Variants in MNAT1 observed in about 807,000 individuals in gnomAD.
MNAT1 encodes the protein MNAT1 component of CDK activating kinase, also known as CDK-activating kinase assembly factor MAT1.
In MNAT1, 43 loss-of-function variants were observed where a neutral mutation model predicts 42.0. The ratio of observed to expected loss-of-function variants is 1.02; its 90% CI spans 0.80 to 1.32. The LOEUF (loss-of-function observed/expected upper bound fraction) is 1.32, where lower values mean the gene tolerates loss of function less well. MNAT1 is among the 40% of genes most tolerant of loss of function. MNAT1 has a pLI of 0.00. For synonymous variants in MNAT1, 118 were observed against 120.0 expected, an observed-to-expected ratio of 0.98 and a Z score of 0.11; for missense variants, 306 against 350.4, an observed-to-expected ratio of 0.87 and a Z score of 1.01.
intron 1 of MNAT1, among the ~76,000 whole-genome samples, chr14:60,765,674 C>G (rs2030786526): frequency 6.6e-6 from 1 of 152,088 alleles, no homozygotes; most frequent in African/African-American, 2.4e-5. Flanking sequence ...TTAAAATAAT[C>G]ATTGGAAAAC....
chr14:60,749,345 T>A (rs1253494115), intron 1 of MNAT1, among the ~76,000 whole-genome samples: 3 of 152,204 alleles, frequency 2.0e-5, no homozygotes, highest in African/African-American at 4.8e-5. Context: ...AAGTAGTAGT[T>A]CATTAGTTTC....
chr14:60,770,786 T>C (rs543883311), intron 1 of MNAT1, among the ~76,000 whole-genome samples: 2 of 152,336 alleles, frequency 1.3e-5, no homozygotes, highest in East Asian at 1.9e-4. Flanking sequence ...GTATATTTGT[T>C]CTTTTCAACT....
chr14:60,879,703 T>G lies in MNAT1; in HGVS notation c.688-11T>G. On this transcript the variant is annotated splice_polypyrimidine_tract_variant and intron_variant, in intron 6 of 7. Coordinates refer to ENST00000261245, the MANE Select transcript of MNAT1 (RefSeq NM_002431.4). ...AATAAGAGGTATTAAGTTCCTTCATTTTTCTAACAGGGTCAACATATTTCA... is the reference window on the plus strand; with the variant it reads ...AATAAGAGGTATTAAGTTCCTTCATGTTTCTAACAGGGTCAACATATTTCA... 1 of 1,605,300 alleles carries G rather than the reference T, an allele frequency of 6.2e-7. No homozygotes were observed. Among genetic ancestry groups the G allele is most frequent in the Non-Finnish European group, 8.5e-7 (1 of 1,176,828 alleles).
rs142230071 is a variant in MNAT1, at chr14:60,877,430, T to C, written c.688-2284T>C. ...ATCTTCGATGGTTGTTTCTCACTGCTACAATTGTATTTTATGACTTTTAAG... is the reference window on the plus strand; with the variant it reads ...ATCTTCGATGGTTGTTTCTCACTGCCACAATTGTATTTTATGACTTTTAAG... On this transcript the variant is annotated intron_variant, in intron 6 of 7. Coordinates refer to ENST00000261245, the MANE Select transcript of MNAT1 (RefSeq NM_002431.4). 5.1e-3 allele frequency among the ~76,000 whole-genome samples: 777 copies of C among 152,204 alleles called. 14 individuals are homozygous for C. Among genetic ancestry groups the C allele is most frequent in the African/African-American group, 0.018 (730 of 41,566 alleles).
intron 6 of MNAT1, among the ~76,000 whole-genome samples, chr14:60,835,829 T>G (rs1339857802): frequency 6.6e-6 from 1 of 152,238 alleles, no homozygotes; most frequent in African/African-American, 2.4e-5. Flanking sequence ...GAGGAGTGTT[T>G]TCCAGCTTGG....
chr14:60,741,396 G>T (rs1896455606), intron 1 of MNAT1, among the ~76,000 whole-genome samples: 2 of 152,020 alleles, frequency 1.3e-5, no homozygotes, highest in Non-Finnish European at 2.9e-5. Flanking sequence ...ATCTCGCTCT[G>T]TTGCCCAGGC....
chr14:60,822,332 A>G (rs1480888651), intron 6 of MNAT1, among the ~76,000 whole-genome samples: 1 of 152,370 alleles, frequency 6.6e-6, no homozygotes, highest in African/African-American at 2.4e-5. Context: ...CATGATATGA[A>G]CAAAATACTC....
chr14:60,745,724 C>T (rs1340744338), intron 1 of MNAT1, among the ~76,000 whole-genome samples: 1 of 152,294 alleles, frequency 6.6e-6, no homozygotes, highest in East Asian at 1.9e-4. Context: ...GCTGTTGCGC[C>T]CGGCCCCTGT....
chr14:60,921,389 A>G (rs1483285391), intron 7 of MNAT1, among the ~76,000 whole-genome samples: 1 of 152,202 alleles, frequency 6.6e-6, no homozygotes, highest in East Asian at 1.9e-4. Flanking sequence ...ATAAGCAAAC[A>G]GAAGAAAAAT....
At chr14:60,767,069 T>C (rs1320548126) in intron 1 of MNAT1, among the ~76,000 whole-genome samples, 3 of 152,206 alleles carry the variant, frequency 2.0e-5, no homozygotes, top group East Asian at 1.9e-4. Flanking sequence ...CAGAGATCTG[T>C]TTCTCTTATA....
intron 1 of MNAT1, chr14:60,753,757 A>G (rs913396978): frequency 6.6e-6 from 1 of 152,178 alleles, no homozygotes; most frequent in Non-Finnish European, 1.5e-5. Flanking sequence ...CCACATATGT[A>G]TATTTATCAC....
At chr14:60,952,555 C>T (rs1465160836) in intron 7 of MNAT1, among the ~76,000 whole-genome samples, 5 of 152,118 alleles carry the variant, frequency 3.3e-5, no homozygotes, top group Non-Finnish European at 7.4e-5. Context: ...ACAGGTTTCA[C>T]ACTGGTATTC....
intron 7 of MNAT1, among the ~76,000 whole-genome samples, chr14:60,892,958 G>A (rs760388764): frequency 4.6e-5 from 7 of 151,962 alleles, no homozygotes; most frequent in Non-Finnish European, 7.4e-5. Context: ...TTTTTTAAAT[G>A]TGTTAGTTTC....
At chr14:60,841,837 T>C (rs1174392937) in intron 6 of MNAT1, among the ~76,000 whole-genome samples, 1 of 152,262 alleles carries the variant, frequency 6.6e-6, no homozygotes, top group African/African-American at 2.4e-5. Context: ...TCCACTTTCA[T>C]GGTGATACTA....
intron 6 of MNAT1, among the ~76,000 whole-genome samples, chr14:60,834,796 A>G (rs2033331051): frequency 6.6e-6 from 1 of 152,084 alleles, no homozygotes; most frequent in Admixed American, 6.6e-5. Context: ...TTTGTGTGGG[A>G]GTCTAAGTCT....
At chr14:60,735,014 G>T (rs987555206) in intron 1 of MNAT1, 63 bp downstream of exon 1, 1 of 1,482,512 alleles carries the variant, frequency 6.7e-7, no homozygotes, top group African/African-American at 1.4e-5. Flanking sequence ...AGAGGACCGG[G>T]AGATGCTAGG....
At chr14:60,763,147 G>A (rs1438148179) in intron 1 of MNAT1, among the ~76,000 whole-genome samples, 1 of 152,098 alleles carries the variant, frequency 6.6e-6, no homozygotes, top group Non-Finnish European at 1.5e-5. Context: ...TCATGCGTAG[G>A]GAGTTAATTT....
chr14:60,745,140 G>A (rs1896577699), intron 1 of MNAT1, among the ~76,000 whole-genome samples: 1 of 152,174 alleles, frequency 6.6e-6, no homozygotes, highest in Non-Finnish European at 1.5e-5. Flanking sequence ...CTTGCTTGCT[G>A]GGCCATGGTT....
Position 60,734,948 on chromosome 14 carries a change from C to T in MNAT1, c.86C>T (p.Thr29Ile). Residue 29 changes from threonine to isoleucine, a missense_variant, in exon 1 of 8, where the codon ACT (threonine) becomes ATT (isoleucine). Coordinates refer to ENST00000261245, the MANE Select transcript of MNAT1 (RefSeq NM_002431.4). The surrounding 1 kb of genome is among the most constrained non-coding windows in gnomAD (Gnocchi z 4.3). ...LKLMVNVCGH[T>I]LCESCVDLLF... ...CTGATGGTGAATGTGTGCGGACACACTCTGTGAGTTGGGCGGCAGTGGATT... is the reference window on the plus strand; with the variant it reads ...CTGATGGTGAATGTGTGCGGACACATTCTGTGAGTTGGGCGGCAGTGGATT... The T allele has an allele frequency of 6.2e-7, 1 of 1,614,120 alleles. No individual in the cohort carries two copies. The highest frequency in any genetic ancestry group is 2.2e-5 in the East Asian group (1 of 44,880).
Sources: gnomAD v4.1 joint callset for allele counts (sites outside exome capture counted in the v4.1 genomes callset) on GRCh38, gnomAD v4.1.1 for gene constraint, Gnocchi (gnomAD v3.1) non-coding constraint, MANE v1.5 for transcripts, NCBI Gene and HGNC (gene_info 2026-07-23, HGNC 2026-07-21) for gene names.